Variants in CPSF2 observed in about 807,000 individuals in gnomAD.
CPSF2 encodes the protein cleavage and polyadenylation specific factor 2, also known as cleavage and polyadenylation specificity factor subunit 2.
CPSF2 carries 51 observed loss-of-function variants against 84.2 expected under a neutral mutation model. That is an observed-to-expected ratio of 0.61 (90% CI 0.48 to 0.77). The LOEUF (loss-of-function observed/expected upper bound fraction) is 0.77, where lower values mean the gene tolerates loss of function less well. CPSF2 is among the 30% of genes least tolerant of loss of function. The pLI, the probability that CPSF2 is intolerant of heterozygous loss-of-function variation, is 0.00. For synonymous variants in CPSF2, 286 were observed against 311.9 expected (o/e 0.92, Z 0.87); for missense variants, 641 against 929.4 (o/e 0.69, Z 4.03).
In CPSF2 at chr14:92,157,845, T is replaced by C; in HGVS notation, c.1782T>C (p.His594=). The change falls in exon 13 of 16, where the codon CAT becomes CAC. Residue 594 remains histidine (H), a synonymous_variant. Transcript: ENST00000298875. This position sits in a 1 kb window ranked among gnomAD's most constrained non-coding sequence, Gnocchi z 4.0. Reference sequence around the variant, plus strand: ...TTAAAGTGTACATGCCAAAGCTACATGAAACAGTTGATGCCACTAGTGAAA... The same window carrying C: ...TTAAAGTGTACATGCCAAAGCTACACGAAACAGTTGATGCCACTAGTGAAA... ...KDIKVYMPKL[H]ETVDATSETH... The C allele has an allele frequency of 6.2e-7, 1 of 1,614,110 alleles. No homozygotes were observed. Among genetic ancestry groups the C allele is most frequent in the Non-Finnish European group, 8.5e-7 (1 of 1,179,980 alleles).
rs1379614020 is a variant in CPSF2, at chr14:92,122,110, T to C, written c.-112T>C. The C allele has an allele frequency of 4.7e-6, 2 of 423,072 alleles. No individual in the cohort carries two copies. Among genetic ancestry groups the C allele is most frequent in the East Asian group, 5.1e-5 (1 of 19,674 alleles). 26.2% of individuals were successfully genotyped at this position (423,072 alleles called of 1,614,324 possible). ...GGGTTGGGAAGGGCTGTGGACGGCG[T>C]TGGGGGAGGCCTGACGAGGCAAGTG... On this transcript the variant is annotated 5_prime_UTR_variant, in exon 1 of 16. Transcript: ENST00000298875.
chr14:92,167,803 T>A lies in CPSF2; in HGVS notation c.*6059T>A, dbSNP rs956871475. The A allele has an allele frequency of 2.6e-5, 4 of 152,150 alleles. No individual in the cohort carries two copies. The highest frequency in any genetic ancestry group is 9.7e-5 in the African/African-American group (4 of 41,426). The allele number at this position is 152,150 out of a possible 1,614,324, so 9.4% of individuals were successfully genotyped here. A position where few individuals can be genotyped will look rare whatever the true frequency, so the allele number is the denominator to read the frequency against. On this transcript the variant is annotated 3_prime_UTR_variant, in exon 16 of 16. Coordinates refer to ENST00000298875, the MANE Select transcript of CPSF2 (RefSeq NM_017437.3). Reference sequence around the variant, plus strand: ...AGAGTCTAGAGTTTTATCAGAAGATTATTGTCCTTTAAAATATTGATGGAC... The same window carrying A: ...AGAGTCTAGAGTTTTATCAGAAGATAATTGTCCTTTAAAATATTGATGGAC...
At chr14:92,153,043 G>A (rs1401155285) in intron 9 of CPSF2, among the ~76,000 whole-genome samples, 4 of 151,818 alleles carry the variant, frequency 2.6e-5, no homozygotes, top group African/African-American at 4.8e-5. Flanking sequence ...CCTAGAAGTA[G>A]AAATACTGTG....
Position 92,165,208 on chromosome 14 carries a change from A to T in CPSF2, c.*3464A>T, listed in dbSNP as rs915721197. The T allele has an allele frequency of 6.6e-6, 1 of 151,396 alleles. No homozygotes were observed. Among genetic ancestry groups the T allele is most frequent in the African/African-American group, 2.4e-5 (1 of 41,244 alleles). The allele number at this position is 151,396 out of a possible 1,614,324, so 9.4% of individuals were successfully genotyped here. The stretch of plus-strand genomic sequence containing the variant: ...TTTGAGTTGATTCCAAATTTTGGCT[A>T]TTAAGAATGCTGCTCTGAACATTCA... On this transcript the variant is annotated 3_prime_UTR_variant, in exon 16 of 16. Transcript: ENST00000298875.
At chr14:92,133,978 C>G in intron 3 of CPSF2, 33 bp from the exon 4 acceptor site, 1 of 1,607,856 alleles carries the variant, frequency 6.2e-7, no homozygotes, top group Non-Finnish European at 8.5e-7. Flanking sequence ...TAAAAAGATT[C>G]AAGAAGTAGT....
intron 11 of CPSF2, among the ~76,000 whole-genome samples, chr14:92,155,584 G>T (rs59131660): frequency 6.6e-6 from 1 of 152,124 alleles, no homozygotes; most frequent in Non-Finnish European, 1.5e-5. Context: ...ACATGATCAC[G>T]TGATCAAGAC....
At chr14:92,132,420 C>T (rs1424429124) in intron 3 of CPSF2, among the ~76,000 whole-genome samples, 1 of 151,564 alleles carries the variant, frequency 6.6e-6, no homozygotes, top group Non-Finnish European at 1.5e-5. Context: ...CAGGCCTGAA[C>T]CACCATGCCC....
At position 92,157,867 on chromosome 14, in the gene CPSF2, G is replaced by A; in HGVS notation, c.1804G>A (p.Glu602Lys). 1 of 1,612,974 alleles carries A rather than the reference G, an allele frequency of 6.2e-7. No individual in the cohort carries two copies. The change falls in exon 13 of 16, where the codon GAA becomes AAA. Residue 602 changes from glutamate (E) to lysine (K), a missense_variant. Physicochemically the swap from Glu to Lys is moderately conservative, Grantham distance 56. Coordinates refer to ENST00000298875, the MANE Select transcript of CPSF2 (RefSeq NM_017437.3). The surrounding 1 kb of genome is among the most constrained non-coding windows in gnomAD (Gnocchi z 4.0). ...KLHETVDATS[E>K]THIYQVRLKD... is the part of the protein sequence containing the mutation. ...ACATGAAACAGTTGATGCCACTAGTGAAACTCACATCTACCAGGTAAACAT... is the reference window on the plus strand; with the variant it reads ...ACATGAAACAGTTGATGCCACTAGTAAAACTCACATCTACCAGGTAAACAT...
At position 92,171,675 on chromosome 14, in the gene CPSF2, G is replaced by A. The variant is rs969535247; in HGVS notation, c.*9931G>A. The A allele has an allele frequency of 5.9e-5, 9 of 152,264 alleles. No homozygotes were observed. The highest frequency in any genetic ancestry group is 2.6e-4 in the Admixed American group (4 of 15,290). The allele number at this position is 152,264 out of a possible 1,614,324, so 9.4% of individuals were successfully genotyped here. On this transcript the variant is annotated 3_prime_UTR_variant, in exon 16 of 16. Transcript: ENST00000298875. ...CCCTGTGCTAGCATTGCCACTGTGC[G>A]TTCTCCCAGTGGACAAATTTGGAAA...
rs1400127463 is a variant in CPSF2, at chr14:92,170,872, A to G, written c.*9128A>G. On this transcript the variant is annotated 3_prime_UTR_variant, in exon 16 of 16. Transcript: ENST00000298875. ...TTAACAGTTGGTTACGATGTTTTCA[A>G]GATTTCTCCACTGTTAGTATTTTCT... 1 of 152,190 alleles carries G rather than the reference A, an allele frequency of 6.6e-6. No individual in the cohort carries two copies. Among genetic ancestry groups the G allele is most frequent in the Non-Finnish European group, 1.5e-5 (1 of 68,024 alleles). The allele number at this position is 152,190 out of a possible 1,614,324, so 9.4% of individuals were successfully genotyped here.
At position 92,141,905 on chromosome 14, in the gene CPSF2, G is replaced by A. The variant is rs542639518; in HGVS notation, c.662-259G>A. ...TTCTATGTGTATTATGATGTATAAA[G>A]TGTTGAGGACTACTGATTTATAATT... is the stretch of plus-strand genomic sequence containing the variant. On this transcript the variant is annotated intron_variant, in intron 7 of 15. Coordinates refer to ENST00000298875, the MANE Select transcript of CPSF2 (RefSeq NM_017437.3). Among the ~76,000 whole-genome samples, 21 of 152,264 alleles carry A rather than the reference G, an allele frequency of 1.4e-4. No homozygotes were observed. In the East Asian group the frequency reaches 4.1e-3, roughly 29 times the overall value.
chr14:92,147,988 G>A (rs1271443667), intron 9 of CPSF2, among the ~76,000 whole-genome samples: 1 of 152,236 alleles, frequency 6.6e-6, no homozygotes. Context: ...GCCTCCCAAA[G>A]TGTGGGTATT....
rs755623894 is a variant in CPSF2 at position 92,134,097 on chromosome 14, G to C, written c.236G>C (p.Gly79Ala). The C allele has an allele frequency of 5.0e-6, 8 of 1,614,112 alleles. No homozygotes were observed. The highest frequency in any genetic ancestry group is 6.8e-6 in the Non-Finnish European group (8 of 1,180,002). The change falls in exon 4 of 16, where the codon GGT becomes GCT. Residue 79 changes from glycine to alanine, a missense_variant. By Grantham distance (60) the Gly-to-Ala change is moderately conservative (BLOSUM62 0). Coordinates refer to ENST00000298875, the MANE Select transcript of CPSF2 (RefSeq NM_017437.3). ...GALPYAVGKLGLNCAIYATIP... is the reference protein window; with the variant it reads ...GALPYAVGKLALNCAIYATIP... ...CTCCCGTATGCTGTCGGAAAGTTGG[G>C]TCTGAACTGTGCTATCTATGCAACC...
chr14:92,152,271 A>C (rs1003165428), intron 9 of CPSF2, among the ~76,000 whole-genome samples: 2 of 151,930 alleles, frequency 1.3e-5, no homozygotes, highest in East Asian at 3.9e-4. Flanking sequence ...CTGAGATTAC[A>C]GGCATGTGCC....
rs930087198 is a variant in CPSF2 at position 92,165,318 on chromosome 14, C to G, written c.*3574C>G. 1 of 151,728 alleles carries G rather than the reference C, an allele frequency of 6.6e-6. No homozygotes were observed. The highest frequency in any genetic ancestry group is 1.5e-5 in the Non-Finnish European group (1 of 67,998). The allele number at this position is 151,728 out of a possible 1,614,324, so 9.4% of individuals were successfully genotyped here. A position where few individuals can be genotyped will look rare whatever the true frequency, so the allele number is the denominator to read the frequency against. ...TAAGAATTAGAATTGCTGGATCATACAGTAATTCTGCTTAACCTTTTGAGG... is the reference window on the plus strand; with the variant it reads ...TAAGAATTAGAATTGCTGGATCATAGAGTAATTCTGCTTAACCTTTTGAGG... On this transcript the variant is annotated 3_prime_UTR_variant, in exon 16 of 16. Transcript: ENST00000298875.
chr14:92,135,125 A>C (rs1469124230), intron 5 of CPSF2, among the ~76,000 whole-genome samples: 3 of 152,242 alleles, frequency 2.0e-5, no homozygotes, highest in Non-Finnish European at 4.4e-5. Context: ...CCTTGTACTT[A>C]TAAGCACAAA....
At chr14:92,123,140 AT>A (rs2068798771) in intron 1 of CPSF2, among the ~76,000 whole-genome samples, 1 of 151,864 alleles carries the variant, frequency 6.6e-6, no homozygotes, top group Non-Finnish European at 1.5e-5. Context: ...ATTATTTTTT[AT>A]TTTTGAGAAG....
chr14:92,157,468 C>T lies in CPSF2; in HGVS notation c.1596-191C>T, dbSNP rs945718328. 1.3e-5 allele frequency among the ~76,000 whole-genome samples: 2 copies of T among 152,134 alleles called. No homozygotes were observed. The highest frequency in any genetic ancestry group is 4.8e-5 in the African/African-American group (2 of 41,418). On this transcript the variant is annotated intron_variant, in intron 12 of 15. Transcript: ENST00000298875. The surrounding 1 kb of genome is among the most constrained non-coding windows in gnomAD (Gnocchi z 4.0). ...GTTGCAATGAGCGAAGATCATGCTACTGCACTCTAGCCTGGGCAAAAGAGC... is the reference window on the plus strand; with the variant it reads ...GTTGCAATGAGCGAAGATCATGCTATTGCACTCTAGCCTGGGCAAAAGAGC...
intron 10 of CPSF2, 30 bp from the exon 11 acceptor site, chr14:92,155,093 T>G (rs1420520828): frequency 2.1e-6 from 3 of 1,407,562 alleles, no homozygotes; most frequent in Admixed American, 1.8e-5. Flanking sequence ...TGAAACTTTA[T>G]GACCTTGATC....
Sources: allele counts gnomAD v4.1 joint callset (sites outside exome capture counted in the v4.1 genomes callset), GRCh38; gene constraint gnomAD v4.1.1; non-coding constraint Gnocchi (gnomAD v3.1); transcripts MANE v1.5; gene names NCBI Gene and HGNC (gene_info 2026-07-23, HGNC 2026-07-21).